RPS6KA6: variants seen among roughly 807,000 people sequenced by gnomAD.
RPS6KA6 encodes ribosomal protein S6 kinase alpha-6.
Under a neutral mutation model 65.4 loss-of-function variants are expected in RPS6KA6, and 27 were observed. The ratio of observed to expected loss-of-function variants is 0.41; its 90% confidence interval spans 0.30 to 0.57. The LOEUF (loss-of-function observed/expected upper bound fraction) is 0.57, where lower values mean the gene tolerates loss of function less well. Among genes scored for constraint, RPS6KA6 ranks in the 20% least tolerant of loss-of-function variants. The probability of loss-of-function intolerance (pLI) is 0.24; values close to 1 mark genes in which losing one functional copy is unlikely to be tolerated. For synonymous variants in RPS6KA6, 190 were observed against 184.2 expected (o/e 1.03, Z -0.26); for missense variants, 486 against 555.6 (o/e 0.87, Z 1.26).
At chrX:84,138,466 T>C (rs1444327381) in intron 6 of RPS6KA6, among the ~76,000 whole-genome samples, 2 of 110,728 alleles carry the variant, frequency 1.8e-5, no homozygotes, top group African/African-American at 3.3e-5. Flanking sequence ...GGCATGAGGA[T>C]TGCCTGAGCA....
At chrX:84,077,214 G>C (rs1360134029) in intron 20 of RPS6KA6, among the ~76,000 whole-genome samples, 1 of 110,916 alleles carries the variant, frequency 9.0e-6, no homozygotes, top group Non-Finnish European at 1.9e-5. Context: ...ATCCTAGCAG[G>C]CTTCTTTTTC....
At position 84,061,347 on chromosome X, in the gene RPS6KA6, G is replaced by A. The variant is rs1418262730; in HGVS notation, c.*2930C>T. ...CCAAGCATCTGTTCTTAAGGTTGTGGGTTGCCTAAACATATGGAATCCCTT... is the reference window on the plus strand; with the variant it reads ...CCAAGCATCTGTTCTTAAGGTTGTGAGTTGCCTAAACATATGGAATCCCTT... On this transcript the variant is annotated 3_prime_UTR_variant, in exon 22 of 22. Coordinates refer to ENST00000262752, the MANE Select transcript of RPS6KA6 (RefSeq NM_014496.5). 1 of 111,844 alleles carries A rather than the reference G, an allele frequency of 8.9e-6. No homozygotes were observed. The highest frequency in any genetic ancestry group is 1.9e-5 in the Non-Finnish European group (1 of 53,032). The allele number at this position is 111,844 out of a possible 1,213,427, so 9.2% of individuals were successfully genotyped here.
intron 8 of RPS6KA6, among the ~76,000 whole-genome samples, chrX:84,126,496 A>T: frequency 8.9e-6 from 1 of 111,789 alleles, no homozygotes. Context: ...GAAAAAGTGG[A>T]CCTAATAGAT....
chrX:84,182,847 T>C (rs1489847939), intron 1 of RPS6KA6, among the ~76,000 whole-genome samples: 9 of 112,220 alleles, frequency 8.0e-5, no homozygotes, highest in Non-Finnish European at 1.3e-4. Flanking sequence ...TCCTTCCACA[T>C]TCCAGAAATA....
intron 9 of RPS6KA6, among the ~76,000 whole-genome samples, chrX:84,119,677 C>A (rs2147472259): frequency 9.0e-6 from 1 of 111,108 alleles, no homozygotes; most frequent in Non-Finnish European, 1.9e-5. Flanking sequence ...TGTCATTTAC[C>A]TTTTTACTAG....
At chrX:84,076,431 A>G (rs768900340) in intron 20 of RPS6KA6, among the ~76,000 whole-genome samples, 20 of 112,006 alleles carry the variant, frequency 1.8e-4, no homozygotes, top group Non-Finnish European at 3.2e-4. Flanking sequence ...AATCAAATTT[A>G]GCTATATATA....
chrX:84,116,957 G>A (rs374353594), intron 11 of RPS6KA6, 103 bp downstream of exon 11: 45 of 493,225 alleles, frequency 9.1e-5, no homozygotes, highest in East Asian at 5.2e-4. Flanking sequence ...AAAATTCTAC[G>A]TATAGAAGTA....
intron 1 of RPS6KA6, among the ~76,000 whole-genome samples, chrX:84,170,040 C>A (rs1443566266): frequency 9.2e-6 from 1 of 108,528 alleles, no homozygotes; most frequent in Non-Finnish European, 1.9e-5. Context: ...CATAGTGACA[C>A]ACGCCTGTAA....
At chrX:84,142,243 T>C (rs143268214) in intron 6 of RPS6KA6, among the ~76,000 whole-genome samples, 1,566 of 111,485 alleles carry the variant, frequency 0.014, 37 homozygotes, top group African/African-American at 0.048. Flanking sequence ...CAAATATTTG[T>C]AAATTAAGCA....
chrX:84,082,446 A>G (rs2033820714), intron 20 of RPS6KA6, among the ~76,000 whole-genome samples: 2 of 112,099 alleles, frequency 1.8e-5, no homozygotes, highest in African/African-American at 3.2e-5. Context: ...GAAATAAGAG[A>G]GGACACAATC....
chrX:84,091,810 G>A, intron 20 of RPS6KA6, among the ~76,000 whole-genome samples: 1 of 111,940 alleles, frequency 8.9e-6, no homozygotes, highest in Admixed American at 9.5e-5. Flanking sequence ...ATCAATGATA[G>A]ACTAAAGAAA....
intron 9 of RPS6KA6, among the ~76,000 whole-genome samples, chrX:84,119,006 A>C: frequency 9.0e-6 from 1 of 111,701 alleles, no homozygotes; most frequent in Admixed American, 9.5e-5. Flanking sequence ...TATGATCACA[A>C]TAACTCTCCT....
chrX:84,155,505 G>C (rs2035400911), intron 3 of RPS6KA6, among the ~76,000 whole-genome samples: 1 of 111,834 alleles, frequency 8.9e-6, no homozygotes, highest in Admixed American at 9.5e-5. Flanking sequence ...AACAACTTTA[G>C]TAACGACTAT....
intron 20 of RPS6KA6, among the ~76,000 whole-genome samples, chrX:84,084,139 T>G (rs2033865307): frequency 8.9e-6 from 1 of 112,520 alleles, no homozygotes; most frequent in Non-Finnish European, 1.9e-5. Context: ...TTGAAAAATT[T>G]TTCTCCCACT....
At chrX:84,065,819 G>T (rs1486388008) in intron 20 of RPS6KA6, among the ~76,000 whole-genome samples, 3 of 111,918 alleles carry the variant, frequency 2.7e-5, no homozygotes, top group African/African-American at 9.8e-5. Context: ...AGCATTTTCG[G>T]AGAATCTGGC....
At chrX:84,067,955 G>A (rs1158375007) in intron 20 of RPS6KA6, among the ~76,000 whole-genome samples, 3 of 111,511 alleles carry the variant, frequency 2.7e-5, no homozygotes, top group Non-Finnish European at 1.9e-5. Context: ...AGACAGTGAG[G>A]GTCAATATTC....
At chrX:84,178,129 A>G (rs910015596) in intron 1 of RPS6KA6, among the ~76,000 whole-genome samples, 3 of 112,111 alleles carry the variant, frequency 2.7e-5, no homozygotes, top group Non-Finnish European at 5.6e-5. Flanking sequence ...AATTAAATCT[A>G]TGTTAATGAT....
chrX:84,129,506 A>G (rs1196519610), intron 8 of RPS6KA6, among the ~76,000 whole-genome samples: 1 of 111,708 alleles, frequency 9.0e-6, no homozygotes, highest in Non-Finnish European at 1.9e-5. Context: ...GTACAAACCT[A>G]AAAGAAAGGA....
intron 1 of RPS6KA6, among the ~76,000 whole-genome samples, chrX:84,165,166 G>A (rs2035577534): frequency 9.1e-6 from 1 of 110,064 alleles, no homozygotes. Context: ...TTTCCTATCT[G>A]CACCCTTACA....
Sources: allele counts gnomAD v4.1 joint callset (sites outside exome capture counted in the v4.1 genomes callset), GRCh38; gene constraint gnomAD v4.1.1; transcripts MANE v1.5; gene names NCBI Gene and HGNC (gene_info 2026-07-23, HGNC 2026-07-21).